The following SUPT3H variants were observed in gnomAD, a reference collection of about 807,000 sequenced individuals.
SUPT3H encodes the protein SPT3 homolog, SAGA and STAGA complex component, also known as transcription initiation protein SPT3 homolog.
In SUPT3H, 44 loss-of-function variants were observed where a neutral mutation model predicts 44.3. The observed-to-expected ratio is 0.99, with a 90% confidence interval of 0.78 to 1.28. The LOEUF is 1.28. Ranked by LOEUF, SUPT3H falls within the 50% of genes most tolerant of loss-of-function variation. SUPT3H has a pLI of 0.00. For missense variants in SUPT3H, 380 were observed against 387.1 expected, an observed-to-expected ratio of 0.98 and a Z score of 0.15; for synonymous variants, 124 against 125.6, an observed-to-expected ratio of 0.99 and a Z score of 0.09.
intron 2 of SUPT3H, among the ~76,000 whole-genome samples, chr6:45,119,184 A>G (rs1022894108): frequency 6.6e-6 from 1 of 152,156 alleles, no homozygotes; most frequent in African/African-American, 2.4e-5. Flanking sequence ...TCCCACTCCT[A>G]GATGCTTCCA....
At position 45,349,719 on chromosome 6, in the gene SUPT3H, A is replaced by G. The variant is rs73735380; in HGVS notation, c.101+15482T>C. Reference sequence around the variant, plus strand: ...TCATCATTAAAATTATATTATTTCAATATAGTCTCTAAAATACTCTGAAGT... The same window carrying G: ...TCATCATTAAAATTATATTATTTCAGTATAGTCTCTAAAATACTCTGAAGT... On this transcript the variant is annotated intron_variant, in intron 2 of 10. Coordinates refer to ENST00000371459, the MANE Select transcript of SUPT3H (RefSeq NM_003599.4). Among the ~76,000 whole-genome samples the G allele has an allele frequency of 7.2e-3, 1,098 of 152,334 alleles. 19 individuals are homozygous for G. The highest frequency in any genetic ancestry group is 0.025 in the African/African-American group (1,046 of 41,566).
intron 2 of SUPT3H, among the ~76,000 whole-genome samples, chr6:45,296,379 AT>A (rs1562900340): frequency 6.6e-6 from 1 of 152,120 alleles, no homozygotes; most frequent in Non-Finnish European, 1.5e-5. Flanking sequence ...ATGCAAAGGC[AT>A]AAGAATGACA....
At chr6:44,858,046 A>G (rs1003208337) in intron 10 of SUPT3H, among the ~76,000 whole-genome samples, 10 of 152,172 alleles carry the variant, frequency 6.6e-5, no homozygotes, top group African/African-American at 2.4e-4. Context: ...TCCCTGCAGG[A>G]AGCCTTCCCT....
chr6:45,127,627 G>C (rs1203785594), intron 2 of SUPT3H, among the ~76,000 whole-genome samples: 1 of 152,030 alleles, frequency 6.6e-6, no homozygotes, highest in Non-Finnish European at 1.5e-5. Context: ...CATGTAGCTA[G>C]GAGTTTATCT....
At chr6:44,825,133 T>C (rs1354465873), downstream of SUPT3H, among the ~76,000 whole-genome samples, 3 of 152,246 alleles carry the variant, frequency 2.0e-5, no homozygotes, top group Non-Finnish European at 4.4e-5. Context: ...AGAAGCTTTG[T>C]ATACATGGAT....
intron 10 of SUPT3H, among the ~76,000 whole-genome samples, chr6:44,863,427 G>A (rs1229135831): frequency 6.6e-6 from 1 of 152,142 alleles, no homozygotes; most frequent in Non-Finnish European, 1.5e-5. Context: ...TCATGTAAGG[G>A]GTCAGGAGGT....
downstream of SUPT3H, among the ~76,000 whole-genome samples, chr6:44,823,829 G>A (rs1173346253): frequency 6.6e-6 from 1 of 152,190 alleles, no homozygotes; most frequent in Non-Finnish European, 1.5e-5. Context: ...TGGGCGTGGT[G>A]GCAGGCGCCT....
chr6:44,878,690 A>C (rs1273176474), intron 10 of SUPT3H, among the ~76,000 whole-genome samples: 2 of 152,142 alleles, frequency 1.3e-5, no homozygotes, highest in African/African-American at 2.4e-5. Context: ...TTAATGAAGA[A>C]GGCGGGTGAT....
intron 2 of SUPT3H, among the ~76,000 whole-genome samples, chr6:45,244,492 G>A (rs1198313389): frequency 2.6e-5 from 4 of 151,928 alleles, no homozygotes; most frequent in South Asian, 4.1e-4. Flanking sequence ...ACACAAAACA[G>A]TACTCTTGTA....
chr6:45,171,103 A>G (rs151287544), intron 2 of SUPT3H, among the ~76,000 whole-genome samples: 1 of 152,200 alleles, frequency 6.6e-6, no homozygotes, highest in East Asian at 1.9e-4. Flanking sequence ...GCAAAATGTT[A>G]TAAGCATGTT....
chr6:45,244,863 T>C (rs1353577667), intron 2 of SUPT3H, among the ~76,000 whole-genome samples: 1 of 152,192 alleles, frequency 6.6e-6, no homozygotes, highest in Non-Finnish European at 1.5e-5. Flanking sequence ...AAGTTTTCTA[T>C]GTGCTTATAA....
intron 5 of SUPT3H, among the ~76,000 whole-genome samples, chr6:45,005,239 A>G (rs777154852): frequency 2.6e-5 from 4 of 152,288 alleles, no homozygotes; most frequent in Middle Eastern, 3.4e-3. Flanking sequence ...AATGAATCTA[A>G]ACATGTTTTC....
At chr6:44,913,877 A>G (rs1242983586) in intron 10 of SUPT3H, among the ~76,000 whole-genome samples, 1 of 152,124 alleles carries the variant, frequency 6.6e-6, no homozygotes, top group Non-Finnish European at 1.5e-5. Flanking sequence ...TGCCACCCCT[A>G]TCATATAGTT....
chr6:45,170,236 A>G (rs1296152570), intron 2 of SUPT3H, among the ~76,000 whole-genome samples: 2 of 152,230 alleles, frequency 1.3e-5, no homozygotes, highest in Non-Finnish European at 2.9e-5. Context: ...ACAAGAAAAA[A>G]TCATTTCTGA....
intron 10 of SUPT3H, among the ~76,000 whole-genome samples, chr6:44,841,476 C>T (rs1350537117): frequency 2.0e-5 from 3 of 152,046 alleles, no homozygotes; most frequent in Non-Finnish European, 2.9e-5. Context: ...TAAAGACACC[C>T]ACATAGGAGG....
intron 2 of SUPT3H, among the ~76,000 whole-genome samples, chr6:45,147,387 T>C (rs1412643287): frequency 1.3e-5 from 2 of 152,162 alleles, no homozygotes; most frequent in Non-Finnish European, 2.9e-5. Flanking sequence ...TCATTGTTCC[T>C]TCCTTCCTTC....
exon 12 of SUPT3H, chr6:44,809,337 C>G (rs58259133): frequency 6.6e-6 from 1 of 152,184 alleles, no homozygotes; most frequent in African/African-American, 2.4e-5. Context: ...ACAGTGCTTC[C>G]GTAGCCAAAT....
rs1554294714 is a variant in SUPT3H, at chr6:45,230,686, A to ATTTTTTTT, written c.102-124681_102-124680insAAAAAAAA. Among the ~76,000 whole-genome samples, 59 of 116,820 alleles carry ATTTTTTTT rather than the reference A, an allele frequency of 5.1e-4. 2 individuals are homozygous for ATTTTTTTT. The highest frequency in any genetic ancestry group is 1.6e-3 in the African/African-American group (51 of 31,840). 76.6% of individuals were successfully genotyped at this position (116,820 alleles called of 152,430 possible). On this transcript the variant is annotated intron_variant, in intron 2 of 10. Transcript: ENST00000371459. ...TCTATATATATATATATATATATAT[A>ATTTTTTTT]TTTTTGAGATGGAGTCTTGCTCTAT... is the stretch of plus-strand genomic sequence containing the variant.
At chr6:45,266,710 A>G (rs1775323500) in intron 2 of SUPT3H, among the ~76,000 whole-genome samples, 1 of 152,114 alleles carries the variant, frequency 6.6e-6, no homozygotes, top group Admixed American at 6.6e-5. Context: ...CAGAGACACT[A>G]TATTCAGTCA....
Sources: gnomAD v4.1 joint callset for allele counts (sites outside exome capture counted in the v4.1 genomes callset) on GRCh38, gnomAD v4.1.1 for gene constraint, MANE v1.5 for transcripts, NCBI Gene and HGNC (gene_info 2026-07-23, HGNC 2026-07-21) for gene names.